The following PTPRM variants were observed in gnomAD, a reference collection of about 807,000 sequenced individuals.
PTPRM encodes the protein receptor-type tyrosine-protein phosphatase mu.
A neutral mutation model predicts 186.7 loss-of-function variants in PTPRM; 47 were observed. The observed-to-expected ratio is 0.25, with a 90% CI of 0.20 to 0.32. The LOEUF (loss-of-function observed/expected upper bound fraction) is 0.32. Ranked by LOEUF, PTPRM falls within the 10% of genes least tolerant of loss-of-function variation. The pLI, the probability that PTPRM is intolerant of heterozygous loss-of-function variation, is 1.00. For synonymous variants in PTPRM, 668 were observed against 674.9 expected (o/e 0.99, Z 0.16); for missense variants, 1,494 against 1,865.0 (o/e 0.80, Z 3.66).
At chr18:7,596,704 G>A (rs1425176024) in intron 1 of PTPRM, among the ~76,000 whole-genome samples, 1 of 152,078 alleles carries the variant, frequency 6.6e-6, no homozygotes, top group African/African-American at 2.4e-5. Context: ...TACAAGGGGG[G>A]ACTGCTGTAT....
At position 7,682,750 on chromosome 18, in the gene PTPRM, T is replaced by G. The variant is rs558973992; in HGVS notation, c.74-91399T>G. Among the ~76,000 whole-genome samples, 27 of 152,348 alleles carry G rather than the reference T, an allele frequency of 1.8e-4. No individual in the cohort carries two copies. In the South Asian group the frequency reaches 5.6e-3, roughly 32 times the overall value. The stretch of plus-strand genomic sequence containing the variant: ...AAACATTTGAGGTTCACAAATAATT[T>G]GCTGAAGGGGCTTGGAGGAAGTCGT... On this transcript the variant is annotated intron_variant, in intron 1 of 32. Transcript: ENST00000580170.
chr18:8,050,224 G>T (rs1388239474), intron 7 of PTPRM, among the ~76,000 whole-genome samples: 1 of 152,190 alleles, frequency 6.6e-6, no homozygotes, highest in African/African-American at 2.4e-5. Flanking sequence ...GGTATGGAAA[G>T]CAAGAAGGGT....
At chr18:8,198,020 CCTT>C in intron 14 of PTPRM, among the ~76,000 whole-genome samples, 2 of 152,290 alleles carry the variant, frequency 1.3e-5, no homozygotes, top group African/African-American at 2.4e-5. Context: ...CTCTCTCCCA[CCTT>C]CTTCTGTGTG....
intron 20 of PTPRM, among the ~76,000 whole-genome samples, chr18:8,308,333 C>T (rs2095242276): frequency 6.6e-6 from 1 of 152,194 alleles, no homozygotes; most frequent in Admixed American, 6.5e-5. Flanking sequence ...GAGTTGGCTG[C>T]CTGATTGGTT....
intron 7 of PTPRM, among the ~76,000 whole-genome samples, chr18:8,069,075 A>C (rs574371615): frequency 1.7e-3 from 218 of 127,102 alleles, no homozygotes; most frequent in Non-Finnish European, 2.7e-3. Flanking sequence ...ACACCACTGC[A>C]CTCCAGCCTG....
intron 1 of PTPRM, among the ~76,000 whole-genome samples, chr18:7,636,046 C>A (rs1196176076): frequency 1.3e-5 from 2 of 152,196 alleles, no homozygotes; most frequent in African/African-American, 4.8e-5. Flanking sequence ...CAGACAAACG[C>A]TTCTGTTTTC....
intron 1 of PTPRM, among the ~76,000 whole-genome samples, chr18:7,594,679 A>C (rs933910101): frequency 6.6e-6 from 1 of 152,126 alleles, no homozygotes; most frequent in African/African-American, 2.4e-5. Flanking sequence ...GTTTCCACCC[A>C]GGGTTTTATG....
chr18:7,581,561 C>A (rs1403826624), intron 1 of PTPRM, among the ~76,000 whole-genome samples: 1 of 151,732 alleles, frequency 6.6e-6, no homozygotes, highest in East Asian at 1.9e-4. Flanking sequence ...ATGCATTAAA[C>A]CTTTTTGGGT....
chr18:8,242,642 T>G (rs1023835730), intron 14 of PTPRM, among the ~76,000 whole-genome samples: 13 of 152,220 alleles, frequency 8.5e-5, no homozygotes, highest in African/African-American at 3.1e-4. Context: ...TATGTCTCTT[T>G]TCTAACAGCT....
At chr18:7,659,149 CACA>C (rs1156500361) in intron 1 of PTPRM, among the ~76,000 whole-genome samples, 2 of 151,512 alleles carry the variant, frequency 1.3e-5, no homozygotes, top group African/African-American at 4.9e-5. Flanking sequence ...CACACACACA[CACA>C]CACAATCTCC....
chr18:8,030,596 T>C (rs948952225), intron 7 of PTPRM, among the ~76,000 whole-genome samples: 1 of 152,260 alleles, frequency 6.6e-6, no homozygotes, highest in African/African-American at 2.4e-5. Context: ...TTTGAAATAT[T>C]AAGTTCTTTC....
chr18:7,943,299 C>G (rs1293026707), intron 5 of PTPRM, among the ~76,000 whole-genome samples: 1 of 152,126 alleles, frequency 6.6e-6, no homozygotes, highest in Non-Finnish European at 1.5e-5. Flanking sequence ...CTCTTCATGC[C>G]TTCCTGGTCT....
intron 7 of PTPRM, among the ~76,000 whole-genome samples, chr18:8,029,309 G>A (rs1007903023): frequency 1.4e-5 from 2 of 138,040 alleles, no homozygotes; most frequent in Admixed American, 7.6e-5. Context: ...TGTTTGGAGT[G>A]CCCCTCCTCC....
chr18:8,100,072 C>T (rs1247819901), intron 11 of PTPRM, among the ~76,000 whole-genome samples: 1 of 152,038 alleles, frequency 6.6e-6, no homozygotes, highest in African/African-American at 2.4e-5. Context: ...AGGAAGAAGG[C>T]ATGTCACATG....
At chr18:7,754,486 A>G (rs2041372163) in intron 1 of PTPRM, among the ~76,000 whole-genome samples, 1 of 152,222 alleles carries the variant, frequency 6.6e-6, no homozygotes, top group Non-Finnish European at 1.5e-5. Context: ...CCAGCCTTCT[A>G]GCTCCCAAGA....
chr18:7,722,189 A>G (rs139216662), intron 1 of PTPRM, among the ~76,000 whole-genome samples: 1 of 152,308 alleles, frequency 6.6e-6, no homozygotes, highest in African/African-American at 2.4e-5. Context: ...GCAACCACTA[A>G]TCTGCTTTCT....
At chr18:7,960,480 T>TATATACACACACAC (rs1300573371) in intron 7 of PTPRM, among the ~76,000 whole-genome samples, 2 of 86,602 alleles carry the variant, frequency 2.3e-5, no homozygotes, top group African/African-American at 8.7e-5. Flanking sequence ...TATATATATA[T>TATATACACACACAC]ACACACACAC....
chr18:7,589,503 C>T (rs976046661), intron 1 of PTPRM, among the ~76,000 whole-genome samples: 2 of 152,138 alleles, frequency 1.3e-5, no homozygotes, highest in Admixed American at 1.3e-4. Context: ...CAACTTTAAT[C>T]TTTCTAGATA....
Position 8,234,121 on chromosome 18 carries a change from A to G in PTPRM, c.2301-9937A>G, listed in dbSNP as rs532337677. ...TATTCTGGGTCTTTTGCCTCTCCAT[A>G]TAGAATCAGTTTGTTATTAACCCTA... On this transcript the variant is annotated intron_variant, in intron 14 of 32. Coordinates refer to ENST00000580170, the MANE Select transcript of PTPRM (RefSeq NM_001105244.2). 2.7e-3 allele frequency among the ~76,000 whole-genome samples: 406 copies of G among 152,256 alleles called. 2 individuals carry two copies. The highest frequency in any genetic ancestry group is 4.8e-3 in the Non-Finnish European group (324 of 68,000).
Sources: gnomAD v4.1 joint callset for allele counts (sites outside exome capture counted in the v4.1 genomes callset) on GRCh38, gnomAD v4.1.1 for gene constraint, MANE v1.5 for transcripts, NCBI Gene and HGNC (gene_info 2026-07-23, HGNC 2026-07-21) for gene names.